The following ZNF469 variants were observed in gnomAD, a reference collection of about 807,000 sequenced individuals.
ZNF469 encodes the protein zinc finger protein 469.
Under a neutral mutation model 1.0 loss-of-function variants are expected in ZNF469, and 1 was observed. That is an observed-to-expected ratio of 1.00 (90% confidence interval 0.35 to 4.73). The LOEUF (loss-of-function observed/expected upper bound fraction) is 4.73, where lower values mean the gene tolerates loss of function less well. Among genes scored for constraint, ZNF469 ranks in the 30% most tolerant of loss-of-function variants. The pLI is 0.16. For synonymous variants in ZNF469, 2,703 were observed against 2,363.4 expected, an observed-to-expected ratio of 1.14 and a Z score of -4.17; for missense variants, 6,100 against 5,356.3, an observed-to-expected ratio of 1.14 and a Z score of -4.33.
the ZNF469 span, among the ~76,000 whole-genome samples, chr16:88,116,864 G>A: frequency 6.6e-6 from 1 of 152,140 alleles, no homozygotes; most frequent in Non-Finnish European, 1.5e-5. Context: ...GAGGCAGCCT[G>A]TGATGAGGGG....
chr16:88,112,964 G>C, the ZNF469 span, among the ~76,000 whole-genome samples: 1 of 151,866 alleles, frequency 6.6e-6, no homozygotes, highest in Non-Finnish European at 1.5e-5. Flanking sequence ...ATTTTTAGTA[G>C]AGACGGGGTT....
At chr16:88,297,029 A>G in the ZNF469 span, among the ~76,000 whole-genome samples, 1,112 of 152,336 alleles carry the variant, frequency 7.3e-3, 15 homozygotes, top group African/African-American at 0.025. Flanking sequence ...TCGTCTCCCA[A>G]ACGCTGGAAA....
At chr16:88,322,265 G>A in the ZNF469 span, among the ~76,000 whole-genome samples, 1 of 152,352 alleles carries the variant, frequency 6.6e-6, no homozygotes, top group Non-Finnish European at 1.5e-5. Flanking sequence ...GGAAATCGGA[G>A]GCCAGGTGAA....
intron 1 of ZNF469, among the ~76,000 whole-genome samples, chr16:88,398,647 G>GA (rs1410040710): frequency 5.9e-5 from 3 of 50,888 alleles, no homozygotes; most frequent in Admixed American, 1.7e-4. Context: ...CACAGATGAA[G>GA]GGGGGGTGTG....
At chr16:88,291,451 C>T in the ZNF469 span, among the ~76,000 whole-genome samples, 12 of 152,222 alleles carry the variant, frequency 7.9e-5, no homozygotes, top group East Asian at 3.8e-4. Flanking sequence ...TTCTGTCCTT[C>T]GCCAAGTCCT....
chr16:88,203,692 CCT>C, the ZNF469 span, among the ~76,000 whole-genome samples: 1 of 152,028 alleles, frequency 6.6e-6, no homozygotes, highest in South Asian at 2.1e-4. Context: ...TCCAGTCCCA[CCT>C]CATCCTCACA....
chr16:88,201,412 G>A, the ZNF469 span, among the ~76,000 whole-genome samples: 2 of 152,072 alleles, frequency 1.3e-5, no homozygotes, highest in Non-Finnish European at 2.9e-5. The surrounding 1 kb of genome is among the most constrained non-coding windows in gnomAD (Gnocchi z 5.0). Context: ...AAAATTAGCC[G>A]GGCGTGGTGG....
At chr16:88,331,661 ATCT>A in the ZNF469 span, among the ~76,000 whole-genome samples, 1 of 151,502 alleles carries the variant, frequency 6.6e-6, no homozygotes, top group Non-Finnish European at 1.5e-5. Context: ...CACCATCATC[ATCT>A]TCATCACCAC....
At chr16:88,282,147 G>A in the ZNF469 span, among the ~76,000 whole-genome samples, 18 of 152,172 alleles carry the variant, frequency 1.2e-4, no homozygotes, top group Non-Finnish European at 2.4e-4. Flanking sequence ...AGCAGTTCTT[G>A]GGATGGACCA....
chr16:88,333,018 C>A, the ZNF469 span, among the ~76,000 whole-genome samples: 1 of 152,212 alleles, frequency 6.6e-6, no homozygotes, highest in South Asian at 2.1e-4. Flanking sequence ...CACTCTGGCA[C>A]CAGGACACAC....
At chr16:88,177,246 C>T in the ZNF469 span, 1 of 152,216 alleles carries the variant, frequency 6.6e-6, no homozygotes, top group African/African-American at 2.4e-5. This position sits in a 1 kb window ranked among gnomAD's most constrained non-coding sequence, Gnocchi z 4.8. Flanking sequence ...CCAAACTATA[C>T]ACACCGCGGG....
the ZNF469 span, among the ~76,000 whole-genome samples, chr16:88,319,996 C>T: frequency 8.5e-5 from 13 of 152,206 alleles, no homozygotes; most frequent in African/African-American, 3.1e-4. Context: ...CCTGACTCCT[C>T]GCCACACAGG....
chr16:88,358,220 A>G, the ZNF469 span, among the ~76,000 whole-genome samples: 1 of 152,186 alleles, frequency 6.6e-6, no homozygotes, highest in Admixed American at 6.5e-5. Context: ...CTAAGCAAAC[A>G]GACTCAGCTC....
chr16:88,149,741 C>T, the ZNF469 span, among the ~76,000 whole-genome samples: 14 of 152,288 alleles, frequency 9.2e-5, no homozygotes, highest in African/African-American at 3.4e-4. Context: ...CTCCTGGCTG[C>T]AGCTTTACCC....
the ZNF469 span, among the ~76,000 whole-genome samples, chr16:88,129,478 C>G: frequency 6.6e-6 from 1 of 152,136 alleles, no homozygotes. Flanking sequence ...TTGATTTATG[C>G]AAATATCTGT....
At chr16:88,364,602 A>C in the ZNF469 span, among the ~76,000 whole-genome samples, 1 of 151,766 alleles carries the variant, frequency 6.6e-6, no homozygotes, top group Non-Finnish European at 1.5e-5. Flanking sequence ...CTTCCAGTCC[A>C]TGAATATGGC....
At chr16:88,173,806 A>C in the ZNF469 span, among the ~76,000 whole-genome samples, 1 of 152,096 alleles carries the variant, frequency 6.6e-6, no homozygotes, top group Non-Finnish European at 1.5e-5. Context: ...CATATTATAA[A>C]CTCTAGAACA....
chr16:88,142,612 A>G, the ZNF469 span, among the ~76,000 whole-genome samples: 3 of 152,186 alleles, frequency 2.0e-5, no homozygotes, highest in African/African-American at 7.2e-5. Flanking sequence ...TTTACTGAGC[A>G]CACGTGATGT....
chr16:88,188,455 G>A, the ZNF469 span, among the ~76,000 whole-genome samples: 5 of 152,222 alleles, frequency 3.3e-5, no homozygotes, highest in African/African-American at 1.2e-4. Context: ...GGCATGGGCT[G>A]CTTAATGACA....
Sources: allele counts gnomAD v4.1 joint callset (sites outside exome capture counted in the v4.1 genomes callset), GRCh38; gene constraint gnomAD v4.1.1; non-coding constraint Gnocchi (gnomAD v3.1); transcripts MANE v1.5; gene names NCBI Gene and HGNC (gene_info 2026-07-23, HGNC 2026-07-21).